KCNQ1: variants seen among roughly 807,000 people sequenced by gnomAD.
KCNQ1 encodes the protein potassium voltage-gated channel subfamily KQT member 1.
KCNQ1 carries 49 observed loss-of-function variants against 72.4 expected under a neutral mutation model. That is an observed-to-expected ratio of 0.68 (90% CI 0.54 to 0.86). The LOEUF (loss-of-function observed/expected upper bound fraction) is 0.86. Ranked by LOEUF, KCNQ1 falls within the 40% of genes least tolerant of loss-of-function variation. The pLI is 0.00. For synonymous variants in KCNQ1, 450 were observed against 412.6 expected (o/e 1.09, Z -1.10); for missense variants, 790 against 945.1 (o/e 0.84, Z 2.15).
At chr11:2,501,577 A>G (rs544784336) in intron 1 of KCNQ1, among the ~76,000 whole-genome samples, 1 of 152,244 alleles carries the variant, frequency 6.6e-6, no homozygotes, top group African/African-American at 2.4e-5. Context: ...TGATGGCCTC[A>G]CTGCTAAATT....
intron 15 of KCNQ1, among the ~76,000 whole-genome samples, chr11:2,793,817 G>C (rs550613390): frequency 3.7e-4 from 57 of 152,284 alleles, no homozygotes; most frequent in Admixed American, 1.2e-3. Context: ...CTGCTCCTTA[G>C]AATGTACAGC....
rs1846521026 is a variant in KCNQ1, at chr11:2,767,524, T to C, written c.1515-1320T>C. ...CTCTTTTCCCTTGCCTTTTAGTCTT[T>C]CGTGTATAAAATTGTAGATGCTCGA... is the stretch of plus-strand genomic sequence containing the variant. On this transcript the variant is annotated intron_variant, in intron 11 of 15. Coordinates refer to ENST00000155840, the MANE Select transcript of KCNQ1 (RefSeq NM_000218.3). The surrounding 1 kb of genome is among the most constrained non-coding windows in gnomAD (Gnocchi z 4.6). Among the ~76,000 whole-genome samples the C allele has an allele frequency of 6.6e-6, 1 of 152,214 alleles. No individual in the cohort carries two copies. The highest frequency in any genetic ancestry group is 1.5e-5 in the Non-Finnish European group (1 of 68,048).
At chr11:2,629,478 C>T (rs1446550171) in intron 10 of KCNQ1, 4 of 398,306 alleles carry the variant, frequency 1.0e-5, no homozygotes, top group Non-Finnish European at 1.3e-5. Context: ...ACATTTAGGT[C>T]TGTGGTCCAC....
intron 1 of KCNQ1, among the ~76,000 whole-genome samples, chr11:2,489,674 G>A (rs2133624523): frequency 6.6e-6 from 1 of 152,310 alleles, no homozygotes; most frequent in East Asian, 1.9e-4. Context: ...CTTGCATCTT[G>A]GATACCAGCT....
chr11:2,569,241 A>C (rs2133724222), intron 2 of KCNQ1, among the ~76,000 whole-genome samples: 1 of 152,200 alleles, frequency 6.6e-6, no homozygotes, highest in East Asian at 1.9e-4. Context: ...GTCCGCACAC[A>C]CCCACACACC....
rs1846058512 is a variant in KCNQ1, at chr11:2,447,550, T to G, written c.386+2066T>G. On this transcript the variant is annotated intron_variant, in intron 1 of 15. Transcript: ENST00000155840. This position sits in a 1 kb window ranked among gnomAD's most constrained non-coding sequence, Gnocchi z 7.6. ...TCCCACCCTCAGTGCCCTAGGAGGTTGGCAGGACCAGTCTCTTGAGGGGAG... is the reference window on the plus strand; with the variant it reads ...TCCCACCCTCAGTGCCCTAGGAGGTGGGCAGGACCAGTCTCTTGAGGGGAG... Among the ~76,000 whole-genome samples the G allele has an allele frequency of 6.6e-6, 1 of 152,062 alleles. No homozygotes were observed. Among genetic ancestry groups the G allele is most frequent in the African/African-American group, 2.4e-5 (1 of 41,408 alleles).
chr11:2,572,401 C>T (rs887165443), intron 5 of KCNQ1, among the ~76,000 whole-genome samples: 2 of 152,174 alleles, frequency 1.3e-5, no homozygotes, highest in Non-Finnish European at 2.9e-5. Flanking sequence ...AATGAAAAAC[C>T]CAGGCAAATC....
chr11:2,539,033 T>C (rs1213587357), intron 2 of KCNQ1, among the ~76,000 whole-genome samples: 2 of 152,178 alleles, frequency 1.3e-5, no homozygotes, highest in Admixed American at 1.3e-4. Flanking sequence ...TTGAGGAACC[T>C]GGGGCTTCAA....
chr11:2,626,353 G>A lies in KCNQ1; in HGVS notation c.1394-35608G>A. 5.0e-6 allele frequency: 2 copies of A among 398,492 alleles called. No homozygotes were observed. The highest frequency in any genetic ancestry group is 8.8e-6 in the Non-Finnish European group (2 of 226,054). 24.7% of individuals were successfully genotyped at this position (398,492 alleles called of 1,614,324 possible). ...AAGGGTCTCAACTTCAGTTATCCTGGCACCATTTGTTGAAAATACAGCACT... is the reference window on the plus strand; with the variant it reads ...AAGGGTCTCAACTTCAGTTATCCTGACACCATTTGTTGAAAATACAGCACT... On this transcript the variant is annotated intron_variant, in intron 10 of 15. Coordinates refer to ENST00000155840, the MANE Select transcript of KCNQ1 (RefSeq NM_000218.3). The surrounding 1 kb of genome is among the most constrained non-coding windows in gnomAD (Gnocchi z 4.0).
chr11:2,610,982 A>AAG (rs1344400729), intron 10 of KCNQ1: 3 of 398,110 alleles, frequency 7.5e-6, no homozygotes, highest in Non-Finnish European at 1.3e-5. Context: ...AGTTAGTACT[A>AAG]TTATTGTTGA....
At chr11:2,811,121 G>A (rs1364659068) in intron 15 of KCNQ1, among the ~76,000 whole-genome samples, 1 of 152,200 alleles carries the variant, frequency 6.6e-6, no homozygotes, top group Non-Finnish European at 1.5e-5. Flanking sequence ...CCCTCAGGCT[G>A]TGCACCTCCG....
intron 11 of KCNQ1, among the ~76,000 whole-genome samples, chr11:2,755,398 G>A (rs73419382): frequency 0.021 from 3,162 of 152,176 alleles, 115 homozygotes; most frequent in African/African-American, 0.071. Flanking sequence ...CTACACGCAC[G>A]TGCCACCGCG....
chr11:2,624,746 C>T lies in KCNQ1; in HGVS notation c.1393+35892C>T, dbSNP rs943975791. 3.3e-5 allele frequency: 13 copies of T among 398,472 alleles called. No homozygotes were observed. The highest frequency in any genetic ancestry group is 1.1e-4 in the East Asian group (3 of 28,062). 24.7% of individuals were successfully genotyped at this position (398,472 alleles called of 1,614,324 possible). ...CATTAAACAATAATTCCCCAACCCC[C>T]CCACCACCGCCATCTCTTGGAAACC... On this transcript the variant is annotated intron_variant, in intron 10 of 15. Transcript: ENST00000155840. The surrounding 1 kb of genome is among the most constrained non-coding windows in gnomAD (Gnocchi z 4.9).
At position 2,750,239 on chromosome 11, in the gene KCNQ1, G is replaced by A. The variant is rs1278856491; in HGVS notation, c.1515-18605G>A. On this transcript the variant is annotated intron_variant, in intron 11 of 15. Transcript: ENST00000155840. This position sits in a 1 kb window ranked among gnomAD's most constrained non-coding sequence, Gnocchi z 6.3. ...ATGACATGTATTCCAGGGAAGAATT[G>A]GGCCGGAGGCTGAAACAGGACGACA... Among the ~76,000 whole-genome samples, 3 of 152,200 alleles carry A rather than the reference G, an allele frequency of 2.0e-5. No homozygotes were observed. Among genetic ancestry groups the A allele is most frequent in the African/African-American group, 7.2e-5 (3 of 41,436 alleles).
Position 2,600,610 on chromosome 11 carries a change from G to GC in KCNQ1, c.1393+11757dup, listed in dbSNP as rs1408192759. Among the ~76,000 whole-genome samples, 1 of 152,130 alleles carries GC rather than the reference G, an allele frequency of 6.6e-6. No individual in the cohort carries two copies. Among genetic ancestry groups the GC allele is most frequent in the Non-Finnish European group, 1.5e-5 (1 of 68,028 alleles). On this transcript the variant is annotated intron_variant, in intron 10 of 15. Transcript: ENST00000155840. The surrounding 1 kb of genome is among the most constrained non-coding windows in gnomAD (Gnocchi z 5.6). Reference sequence around the variant, plus strand: ...AGCAGTAATACAGTTATTGACTTCTGCAATTAAACATCAATATAATACTTG... The same window carrying GC: ...AGCAGTAATACAGTTATTGACTTCTGCCAATTAAACATCAATATAATACTTG...
intron 11 of KCNQ1, chr11:2,693,631 G>T: frequency 2.5e-6 from 1 of 398,628 alleles, no homozygotes; most frequent in Middle Eastern, 6.3e-4. Flanking sequence ...CCCAGCCGTA[G>T]GAAAGGCTCT....
At chr11:2,490,864 T>G (rs562907644) in intron 1 of KCNQ1, among the ~76,000 whole-genome samples, 3 of 152,114 alleles carry the variant, frequency 2.0e-5, no homozygotes, top group Admixed American at 6.5e-5. Flanking sequence ...AATTTTTGTT[T>G]GTTTGTTTGT....
chr11:2,845,875 G>A (rs532069765), intron 15 of KCNQ1, among the ~76,000 whole-genome samples: 1 of 152,276 alleles, frequency 6.6e-6, no homozygotes, highest in African/African-American at 2.4e-5. Context: ...GCCTCTCACA[G>A]CACCCTGTTG....
rs547657639 is a variant in KCNQ1, at chr11:2,783,882, G to A, written c.1794+5845G>A. On this transcript the variant is annotated intron_variant, in intron 15 of 15. Coordinates refer to ENST00000155840, the MANE Select transcript of KCNQ1 (RefSeq NM_000218.3). The surrounding 1 kb of genome is among the most constrained non-coding windows in gnomAD (Gnocchi z 5.2). Reference sequence around the variant, plus strand: ...ATTGAGTTGCAAGGGTTTTTTATATGTTCTGGATACAAGTCCTTTATCAGA... The same window carrying A: ...ATTGAGTTGCAAGGGTTTTTTATATATTCTGGATACAAGTCCTTTATCAGA... 6.6e-6 allele frequency among the ~76,000 whole-genome samples: 1 copy of A among 152,030 alleles called. No individual in the cohort carries two copies. Among genetic ancestry groups the A allele is most frequent in the African/African-American group, 2.4e-5 (1 of 41,538 alleles).
Sources: allele counts gnomAD v4.1 joint callset (sites outside exome capture counted in the v4.1 genomes callset), GRCh38; gene constraint gnomAD v4.1.1; non-coding constraint Gnocchi (gnomAD v3.1); transcripts MANE v1.5; gene names NCBI Gene and HGNC (gene_info 2026-07-23, HGNC 2026-07-21).